The following DISP1 variants were observed in gnomAD, a reference collection of about 807,000 sequenced individuals.
The protein encoded by DISP1 is protein dispatched homolog 1.
A neutral mutation model predicts 37.3 loss-of-function variants in DISP1; 30 were observed. The observed-to-expected ratio is 0.80, with a 90% CI of 0.60 to 1.09. The LOEUF is 1.09. DISP1 is among the 50% of genes least tolerant of loss of function. The pLI is 0.00. For synonymous variants in DISP1, 634 were observed against 690.2 expected (o/e 0.92, Z 1.28); for missense variants, 1,598 against 1,879.5 (o/e 0.85, Z 2.77).
At chr1:222,909,857 GA>G (rs1365903053) in intron 1 of DISP1, among the ~76,000 whole-genome samples, 1 of 152,168 alleles carries the variant, frequency 6.6e-6, no homozygotes, top group East Asian at 1.9e-4. Flanking sequence ...TGAAGGAAGG[GA>G]TGGAAGCCAG....
intron 8 of DISP1, among the ~76,000 whole-genome samples, chr1:222,997,327 A>G (rs886313111): frequency 3.3e-5 from 5 of 152,140 alleles, no homozygotes; most frequent in East Asian, 1.9e-4. Flanking sequence ...AGGATTCACA[A>G]TCAGTAACAA....
At position 222,904,564 on chromosome 1, in the gene DISP1, TTTTTA is replaced by T. The variant is rs560898972; in HGVS notation, c.-158-23856_-158-23852del. On this transcript the variant is annotated intron_variant, in intron 1 of 8. Coordinates refer to ENST00000675850, the MANE Select transcript of DISP1 (RefSeq NM_001377229.1). ...TATTCAGAGACTCTTTTTTTTTATTTTTTTATTTTATTTTTTTTTTTGAGATGAAG... is the reference window on the plus strand; with the variant it reads ...TATTCAGAGACTCTTTTTTTTTATTTTTTTATTTTTTTTTTTGAGATGAAG... Among the ~76,000 whole-genome samples the T allele has an allele frequency of 9.0e-3, 1,349 of 150,072 alleles. 7 individuals carry two copies. The highest frequency in any genetic ancestry group is 0.015 in the Non-Finnish European group (982 of 67,428).
rs1453867168 is a variant in DISP1 at position 222,837,034 on chromosome 1, C to A, written c.-159+21956C>A. The A allele has an allele frequency of 1.3e-5, 5 of 398,482 alleles. No homozygotes were observed. In the East Asian group the frequency reaches 1.8e-4, roughly 14 times the overall value. 24.7% of individuals were successfully genotyped at this position (398,482 alleles called of 1,614,324 possible). Reference sequence around the variant, plus strand: ...AGTCCTGCCTGAAGTTTAAGCTAGCCCATGACTACACAAGTGCAACTGTAT... The same window carrying A: ...AGTCCTGCCTGAAGTTTAAGCTAGCACATGACTACACAAGTGCAACTGTAT... On this transcript the variant is annotated intron_variant, in intron 1 of 8. Coordinates refer to ENST00000675850, the MANE Select transcript of DISP1 (RefSeq NM_001377229.1).
chr1:222,882,988 A>G (rs1041329307), intron 1 of DISP1, among the ~76,000 whole-genome samples: 1 of 152,162 alleles, frequency 6.6e-6, no homozygotes, highest in Non-Finnish European at 1.5e-5. Flanking sequence ...AATATATATA[A>G]TCTCCATATA....
intron 1 of DISP1, among the ~76,000 whole-genome samples, chr1:222,855,184 T>G (rs1212775378): frequency 6.6e-6 from 1 of 152,212 alleles, no homozygotes; most frequent in African/African-American, 2.4e-5. Context: ...TCATGTATGA[T>G]GAGGAGCCAC....
At chr1:222,975,873 G>T (rs1677282665) in intron 3 of DISP1, among the ~76,000 whole-genome samples, 1 of 152,168 alleles carries the variant, frequency 6.6e-6, no homozygotes, top group South Asian at 2.1e-4. Flanking sequence ...TAATGTCACT[G>T]TCACTCACTT....
intron 4 of DISP1, among the ~76,000 whole-genome samples, chr1:222,986,303 A>AG (rs1351000569): frequency 2.2e-5 from 2 of 90,078 alleles, no homozygotes; most frequent in African/African-American, 3.1e-5. Flanking sequence ...GCAAAGAGCA[A>AG]GGGAAAAAAA....
At chr1:222,992,599 T>C (rs150559827) in intron 7 of DISP1, among the ~76,000 whole-genome samples, 5 of 152,330 alleles carry the variant, frequency 3.3e-5, no homozygotes, top group Non-Finnish European at 7.3e-5. Context: ...TTCTGTGTGT[T>C]ACCTCATCAC....
chr1:222,999,518 A>G (rs1679296143), intron 8 of DISP1, among the ~76,000 whole-genome samples: 1 of 152,150 alleles, frequency 6.6e-6, no homozygotes, highest in Non-Finnish European at 1.5e-5. Flanking sequence ...ATACTTACAG[A>G]CTTTGGTACT....
chr1:222,895,280 G>T (rs1252389043), intron 1 of DISP1, among the ~76,000 whole-genome samples: 1 of 152,126 alleles, frequency 6.6e-6, no homozygotes, highest in African/African-American at 2.4e-5. Context: ...ATTCTGAAAG[G>T]CTCATTAGGA....
intron 1 of DISP1, among the ~76,000 whole-genome samples, chr1:222,886,749 T>C (rs1670622831): frequency 6.6e-6 from 1 of 152,228 alleles, no homozygotes; most frequent in African/African-American, 2.4e-5. Context: ...ATAGGGCCAA[T>C]GAGTTGACCT....
chr1:222,866,976 T>A (rs1475675626), intron 1 of DISP1, among the ~76,000 whole-genome samples: 2 of 152,166 alleles, frequency 1.3e-5, no homozygotes, highest in Non-Finnish European at 2.9e-5. Flanking sequence ...AAGTGAAGAA[T>A]GGTTTAGAAT....
chr1:222,951,919 A>G (rs941319823), intron 3 of DISP1, among the ~76,000 whole-genome samples: 2 of 152,246 alleles, frequency 1.3e-5, no homozygotes, highest in African/African-American at 4.8e-5. Context: ...GTGCTTTTAC[A>G]GAGGCACAGG....
chr1:222,950,330 A>C (rs987155758), intron 3 of DISP1, among the ~76,000 whole-genome samples: 1 of 152,190 alleles, frequency 6.6e-6, no homozygotes, highest in Non-Finnish European at 1.5e-5. Flanking sequence ...GGCCAGGCGC[A>C]GTGGCTCACG....
In DISP1 at chr1:222,992,128, T is replaced by C. The variant is rs367807848; in HGVS notation, c.889+18T>C. 6.3e-7 allele frequency: 1 copy of C among 1,580,074 alleles called. No homozygotes were observed. Among genetic ancestry groups the C allele is most frequent in the African/African-American group, 1.3e-5 (1 of 74,168 alleles). ...CGTTCCAAGTGAGTGACATTGTAGA[T>C]GAACAAACCACTCAGCAGTTTGCTC... On this transcript the variant is annotated intron_variant, in intron 7 of 8. Transcript: ENST00000675850.
At chr1:222,894,223 T>G (rs1198168723) in intron 1 of DISP1, among the ~76,000 whole-genome samples, 1 of 152,154 alleles carries the variant, frequency 6.6e-6, no homozygotes, top group Non-Finnish European at 1.5e-5. Context: ...CTTCAGGCCG[T>G]CCCTGGCTTG....
intron 1 of DISP1, among the ~76,000 whole-genome samples, chr1:222,841,493 G>A (rs947098332): frequency 6.6e-6 from 1 of 152,182 alleles, no homozygotes; most frequent in Admixed American, 6.5e-5. Context: ...TTGAACTCAT[G>A]TCTGGGTTCC....
intron 1 of DISP1, among the ~76,000 whole-genome samples, chr1:222,905,671 T>G (rs1466984045): frequency 6.6e-6 from 1 of 152,194 alleles, no homozygotes; most frequent in Non-Finnish European, 1.5e-5. Context: ...GACTCTTCTG[T>G]CAAGCTTTAA....
intron 1 of DISP1, among the ~76,000 whole-genome samples, chr1:222,903,040 T>C (rs1671687832): frequency 6.6e-6 from 1 of 151,710 alleles, no homozygotes; most frequent in African/African-American, 2.4e-5. Flanking sequence ...AGCAAAGACT[T>C]GGAACCAACC....
Sources: gnomAD v4.1 joint callset for allele counts (sites outside exome capture counted in the v4.1 genomes callset) on GRCh38, gnomAD v4.1.1 for gene constraint, MANE v1.5 for transcripts, NCBI Gene and HGNC (gene_info 2026-07-23, HGNC 2026-07-21) for gene names.